Variants in LANCL1 observed in about 807,000 individuals in gnomAD.
LANCL1 encodes glutathione S-transferase LANCL1.
LANCL1 carries 50 observed loss-of-function variants against 50.6 expected under a neutral mutation model. The ratio of observed to expected loss-of-function variants is 0.99; its 90% CI spans 0.79 to 1.25. LANCL1 has a LOEUF of 1.25. Among genes scored for constraint, LANCL1 ranks in the 50% most tolerant of loss-of-function variants. LANCL1 has a pLI of 0.00. For synonymous variants in LANCL1, 188 were observed against 178.6 expected (o/e 1.05, Z -0.42); for missense variants, 532 against 480.7 (o/e 1.11, Z -1.00).
intron 4 of LANCL1, among the ~76,000 whole-genome samples, chr2:210,451,486 T>C (rs931518869): frequency 5.3e-5 from 8 of 152,070 alleles, no homozygotes; most frequent in Admixed American, 3.3e-4. Flanking sequence ...AACAAAAAAG[T>C]AGAAGCATAA....
At chr2:210,450,684 C>T (rs971753500) in intron 4 of LANCL1, among the ~76,000 whole-genome samples, 1 of 152,152 alleles carries the variant, frequency 6.6e-6, no homozygotes, top group Non-Finnish European at 1.5e-5. Flanking sequence ...TGAACAGATA[C>T]TTCTCAAAAG....
rs373896809 is a variant in LANCL1 at position 210,475,416 on chromosome 2, G to C, written c.81+900C>G. 9.9e-5 allele frequency among the ~76,000 whole-genome samples: 15 copies of C among 152,084 alleles called. 1 individual carries two copies. The highest frequency in any genetic ancestry group is 3.6e-4 in the African/African-American group (15 of 41,484). On this transcript the variant is annotated intron_variant, in intron 2 of 9. Coordinates refer to ENST00000450366, the MANE Select transcript of LANCL1 (RefSeq NM_006055.3). Reference sequence around the variant, plus strand: ...TGCAATCATAGCTCACTACAGCCTCGAATCTCCTAGGCTCCAGCAATTCTC... The same window carrying C: ...TGCAATCATAGCTCACTACAGCCTCCAATCTCCTAGGCTCCAGCAATTCTC...
intron 6 of LANCL1, among the ~76,000 whole-genome samples, chr2:210,440,026 A>G (rs1227524699): frequency 1.3e-5 from 2 of 152,150 alleles, no homozygotes; most frequent in Non-Finnish European, 2.9e-5. Flanking sequence ...GCTGCAGTAA[A>G]TTCTATCTGT....
At chr2:210,471,155 T>C (rs1179007426) in intron 3 of LANCL1, among the ~76,000 whole-genome samples, 2 of 149,780 alleles carry the variant, frequency 1.3e-5, no homozygotes, top group African/African-American at 4.9e-5. Flanking sequence ...CAAGTGATTC[T>C]CCTGCCTCAG....
rs1248033452 is a variant in LANCL1, at chr2:210,451,839, A to G, written c.407+3268T>C. On this transcript the variant is annotated intron_variant, in intron 4 of 9. Coordinates refer to ENST00000450366, the MANE Select transcript of LANCL1 (RefSeq NM_006055.3). Reference sequence around the variant, plus strand: ...ATGTGGTATATACATATAATGGAATATTATTCAGTCATTGAAAGGAACAAA... The same window carrying G: ...ATGTGGTATATACATATAATGGAATGTTATTCAGTCATTGAAAGGAACAAA... Among the ~76,000 whole-genome samples the G allele has an allele frequency of 2.6e-5, 4 of 152,374 alleles. No individual in the cohort carries two copies. In the South Asian group the frequency reaches 8.3e-4, roughly 32 times the overall value.
chr2:210,468,416 A>C (rs1694132998), intron 3 of LANCL1: 1 of 152,216 alleles, frequency 6.6e-6, no homozygotes, highest in Non-Finnish European at 1.5e-5. Flanking sequence ...GAAGTCAAGA[A>C]AAAAATCATT....
At chr2:210,467,023 C>A (rs1042863961) in intron 3 of LANCL1, among the ~76,000 whole-genome samples, 3 of 151,892 alleles carry the variant, frequency 2.0e-5, no homozygotes, top group Non-Finnish European at 4.4e-5. Context: ...AGACGCCACA[C>A]CAGAGGAATT....
At chr2:210,462,676 T>C (rs1693900601) in intron 3 of LANCL1, among the ~76,000 whole-genome samples, 1 of 152,218 alleles carries the variant, frequency 6.6e-6, no homozygotes. Flanking sequence ...AAAAACACCT[T>C]CTATAGAAAA....
chr2:210,477,516 C>CT, upstream of LANCL1: 1 of 1,279,686 alleles, frequency 7.8e-7, no homozygotes, highest in Non-Finnish European at 9.9e-7. Context: ...GTCAGCCTCA[C>CT]TCTCTCCTTT....
intron 2 of LANCL1, among the ~76,000 whole-genome samples, chr2:210,473,793 C>T (rs1353841473): frequency 3.7e-4 from 57 of 152,142 alleles, no homozygotes; most frequent in Non-Finnish European, 1.2e-4. Flanking sequence ...GAAGAAACGA[C>T]GTTGTTTGAC....
At chr2:210,474,279 C>T (rs1167366583) in intron 2 of LANCL1, among the ~76,000 whole-genome samples, 1 of 152,142 alleles carries the variant, frequency 6.6e-6, no homozygotes, top group Non-Finnish European at 1.5e-5. Context: ...AGGGTTTGAT[C>T]CTCCGTGTTC....
intron 3 of LANCL1, among the ~76,000 whole-genome samples, chr2:210,469,536 C>T (rs1694163257): frequency 6.6e-6 from 1 of 152,158 alleles, no homozygotes. Context: ...CTTAAAACAA[C>T]CAGCTGCTAA....
At chr2:210,437,952 A>G in intron 6 of LANCL1, 80 bp from the exon 7 acceptor site, 1 of 996,264 alleles carries the variant, frequency 1.0e-6, no homozygotes, top group Non-Finnish European at 1.4e-6. Context: ...ACCAGAAAAA[A>G]AGCATGGCTA....
intron 2 of LANCL1, 52 bp from the exon 3 acceptor site, chr2:210,472,128 C>A (rs543082159): frequency 1.6e-6 from 2 of 1,223,806 alleles, no homozygotes; most frequent in African/African-American, 3.0e-5. Flanking sequence ...ACCCAGCTTG[C>A]TGGACTATAA....
intron 7 of LANCL1, among the ~76,000 whole-genome samples, 186 bp downstream of exon 7, chr2:210,437,504 G>A (rs1416671348): frequency 1.3e-5 from 2 of 152,240 alleles, no homozygotes; most frequent in Non-Finnish European, 2.9e-5. Flanking sequence ...TTAAAAGTAG[G>A]ATATGAAACA....
chr2:210,441,317 A>G lies in LANCL1; in HGVS notation c.534T>C (p.His178=). 1 of 1,612,368 alleles carries G rather than the reference A, an allele frequency of 6.2e-7. No individual in the cohort carries two copies. The highest frequency in any genetic ancestry group is 8.5e-7 in the Non-Finnish European group (1 of 1,179,128). The change falls in exon 5 of 10, where the codon CAT becomes CAC. Residue 178 remains histidine (H), a synonymous_variant. Coordinates refer to ENST00000450366, the MANE Select transcript of LANCL1 (RefSeq NM_006055.3). ...CACAAAAACGTGGTACCTGCTGAAT[A>G]TGGCTTTGAGGAATCTTTTCCACTC... ...NFGVEKIPQS[H]IQQICETILT...
At chr2:210,454,228 AC>A (rs1693597681) in intron 4 of LANCL1, among the ~76,000 whole-genome samples, 6 of 21,770 alleles carry the variant, frequency 2.8e-4, no homozygotes, top group Admixed American at 1.1e-3. Flanking sequence ...ATACACACAC[AC>A]ACACACACAC....
chr2:210,459,951 G>A (rs1009356104), intron 3 of LANCL1, among the ~76,000 whole-genome samples: 4 of 151,932 alleles, frequency 2.6e-5, no homozygotes, highest in African/African-American at 7.3e-5. Flanking sequence ...CTTATGCCAA[G>A]CAGTACTATA....
upstream of LANCL1, chr2:210,477,390 A>C: frequency 8.4e-6 from 4 of 474,102 alleles, no homozygotes; most frequent in Non-Finnish European, 1.2e-5. Flanking sequence ...ATTCAATTTC[A>C]ATGTTTTAAC....
Sources: allele counts gnomAD v4.1 joint callset (sites outside exome capture counted in the v4.1 genomes callset), GRCh38; gene constraint gnomAD v4.1.1; transcripts MANE v1.5; gene names NCBI Gene and HGNC (gene_info 2026-07-23, HGNC 2026-07-21).